The following PAK5 variants were observed in gnomAD, a reference collection of about 807,000 sequenced individuals.
PAK5 encodes p21 (RAC1) activated kinase 5.
In PAK5, 16 loss-of-function variants were observed where a neutral mutation model predicts 65.9. The observed-to-expected ratio is 0.24, with a 90% CI of 0.16 to 0.37. The LOEUF is 0.37. PAK5 is among the 10% of genes least tolerant of loss of function. The probability of loss-of-function intolerance (pLI) is 1.00; values close to 1 mark genes in which losing one functional copy is unlikely to be tolerated. For synonymous variants in PAK5, 371 were observed against 354.9 expected, an observed-to-expected ratio of 1.05 and a Z score of -0.51; for missense variants, 785 against 903.9, an observed-to-expected ratio of 0.87 and a Z score of 1.69.
At chr20:9,624,536 T>C (rs1207310940) in intron 3 of PAK5, among the ~76,000 whole-genome samples, 1 of 120,350 alleles carries the variant, frequency 8.3e-6, no homozygotes, top group African/African-American at 3.2e-5. Context: ...TTCTTCCAAC[T>C]TATCTGTTTT....
intron 2 of PAK5, among the ~76,000 whole-genome samples, chr20:9,690,806 G>C: frequency 7.0e-6 from 1 of 143,452 alleles, no homozygotes; most frequent in African/African-American, 2.6e-5. Flanking sequence ...CAAGGCTGGA[G>C]TGCAATGGCG....
At chr20:9,642,344 C>G (rs978596013) in intron 3 of PAK5, among the ~76,000 whole-genome samples, 8 of 152,176 alleles carry the variant, frequency 5.3e-5, no homozygotes, top group African/African-American at 1.9e-4. Context: ...TAATGATCAC[C>G]ATTCTAACTG....
intron 3 of PAK5, among the ~76,000 whole-genome samples, chr20:9,619,218 T>C (rs754636458): frequency 7.9e-5 from 12 of 152,156 alleles, no homozygotes; most frequent in Non-Finnish European, 1.6e-4. Context: ...CCACTGTGCC[T>C]GGCCAGATCC....
intron 2 of PAK5, among the ~76,000 whole-genome samples, chr20:9,700,464 A>C (rs890988626): frequency 3.3e-5 from 5 of 152,164 alleles, no homozygotes; most frequent in Non-Finnish European, 5.9e-5. Context: ...TGAATAAACC[A>C]AGATTTCTCA....
In PAK5 at chr20:9,839,053, G is replaced by T. The variant is rs1004799666; in HGVS notation, c.-453C>A. 2 of 152,236 alleles carry T rather than the reference G, an allele frequency of 1.3e-5. No homozygotes were observed. The highest frequency in any genetic ancestry group is 4.8e-5 in the African/African-American group (2 of 41,428). The allele number at this position is 152,236 out of a possible 1,614,324, so 9.4% of individuals were successfully genotyped here. A position where few individuals can be genotyped will look rare whatever the true frequency, so the allele number is the denominator to read the frequency against. ...GCTCCGGGTTTTCGTGGCAGCCGGC[G>T]GGAGGCAGGCTGTAGCGGCGGCCGG... On this transcript the variant is annotated 5_prime_UTR_variant, in exon 1 of 10. Transcript: ENST00000353224.
intron 3 of PAK5, among the ~76,000 whole-genome samples, chr20:9,605,846 C>A (rs945788517): frequency 2.0e-5 from 3 of 152,122 alleles, no homozygotes; most frequent in African/African-American, 7.2e-5. Flanking sequence ...GGGAGAATGG[C>A]TTGAACCTTG....
At chr20:9,704,914 G>T (rs2047986972) in intron 2 of PAK5, among the ~76,000 whole-genome samples, 1 of 152,160 alleles carries the variant, frequency 6.6e-6, no homozygotes, top group African/African-American at 2.4e-5. Flanking sequence ...AGAGAGAAAT[G>T]GAAATGGAAT....
intron 2 of PAK5, among the ~76,000 whole-genome samples, chr20:9,700,257 A>G (rs923037501): frequency 1.3e-5 from 2 of 152,146 alleles, no homozygotes; most frequent in East Asian, 3.9e-4. Flanking sequence ...ACAAAAATAA[A>G]AGAATTAGCT....
At chr20:9,734,841 A>G (rs545653833) in intron 1 of PAK5, among the ~76,000 whole-genome samples, 3 of 152,320 alleles carry the variant, frequency 2.0e-5, no homozygotes, top group East Asian at 1.9e-4. Flanking sequence ...TAGGACAACC[A>G]TACTGGTGAG....
rs2046120558 is a variant in PAK5, at chr20:9,589,107, C to T, written c.205-8177G>A. 2.0e-5 allele frequency among the ~76,000 whole-genome samples: 3 copies of T among 152,228 alleles called. No individual in the cohort carries two copies. The South Asian group carries it at 6.2e-4, about 31-fold the overall frequency. On this transcript the variant is annotated intron_variant, in intron 3 of 9. Coordinates refer to ENST00000353224, the MANE Select transcript of PAK5 (RefSeq NM_177990.4). ...ATCTCTTTTTCAAAAGCAGTATCTT[C>T]TGTGTGCCTCAAACGTGTTTCATTT...
At chr20:9,707,006 C>A (rs1208585330) in intron 2 of PAK5, among the ~76,000 whole-genome samples, 1 of 152,124 alleles carries the variant, frequency 6.6e-6, no homozygotes, top group African/African-American at 2.4e-5. Context: ...TTACATATTT[C>A]TTGTCTTTAA....
At chr20:9,574,038 C>T (rs554356032) in intron 4 of PAK5, among the ~76,000 whole-genome samples, 17 of 152,310 alleles carry the variant, frequency 1.1e-4, no homozygotes, top group Admixed American at 4.6e-4. Context: ...ATTGTCCTCA[C>T]TTGACTCAAA....
chr20:9,564,419 T>C (rs2045640190), intron 5 of PAK5, among the ~76,000 whole-genome samples: 2 of 152,172 alleles, frequency 1.3e-5, no homozygotes. Context: ...GTACAGAACA[T>C]ATGATTTAGT....
intron 3 of PAK5, among the ~76,000 whole-genome samples, chr20:9,612,769 T>G (rs2046587275): frequency 6.6e-6 from 1 of 152,036 alleles, no homozygotes; most frequent in Non-Finnish European, 1.5e-5. Flanking sequence ...CTCAACCCAT[T>G]CTCATCTTTG....
At chr20:9,571,106 G>C (rs1311049197) in intron 4 of PAK5, among the ~76,000 whole-genome samples, 1 of 152,208 alleles carries the variant, frequency 6.6e-6, no homozygotes, top group African/African-American at 2.4e-5. Flanking sequence ...TATCACAAGA[G>C]ACAATGTTTT....
At chr20:9,775,593 C>G (rs2012746) in intron 1 of PAK5, among the ~76,000 whole-genome samples, 52,242 of 151,588 alleles carry the variant, frequency 0.34, 9,216 homozygotes, top group Middle Eastern at 0.49. Flanking sequence ...CTACAAAAGA[C>G]CCTCATTTTC....
At chr20:9,673,299 T>G (rs982039942) in intron 2 of PAK5, among the ~76,000 whole-genome samples, 3 of 152,054 alleles carry the variant, frequency 2.0e-5, no homozygotes, top group South Asian at 2.1e-4. Flanking sequence ...AAGAAATGAA[T>G]CTCTCAAATC....
intron 2 of PAK5, among the ~76,000 whole-genome samples, chr20:9,662,520 G>T (rs1397285310): frequency 6.6e-6 from 1 of 152,104 alleles, no homozygotes; most frequent in East Asian, 1.9e-4. Flanking sequence ...GCACAGAAGT[G>T]AAATAATTCA....
chr20:9,720,441 C>T (rs1474183351), intron 1 of PAK5, among the ~76,000 whole-genome samples: 1 of 152,062 alleles, frequency 6.6e-6, no homozygotes, highest in Non-Finnish European at 1.5e-5. Context: ...TCTTATACTG[C>T]AAAATCAAGA....
Sources: gnomAD v4.1 joint callset for allele counts (sites outside exome capture counted in the v4.1 genomes callset) on GRCh38, gnomAD v4.1.1 for gene constraint, MANE v1.5 for transcripts, NCBI Gene and HGNC (gene_info 2026-07-23, HGNC 2026-07-21) for gene names.